Variants in PRKCE observed in about 807,000 individuals in gnomAD.
PRKCE encodes the protein protein kinase C epsilon.
A neutral mutation model predicts 85.4 loss-of-function variants in PRKCE; 16 were observed. The ratio of observed to expected loss-of-function variants is 0.19; its 90% CI spans 0.13 to 0.28. PRKCE has a LOEUF of 0.28. Among genes scored for constraint, PRKCE ranks in the 10% least tolerant of loss-of-function variants. PRKCE has a pLI of 1.00. For synonymous variants in PRKCE, 388 were observed against 371.5 expected, an observed-to-expected ratio of 1.04 and a Z score of -0.51; for missense variants, 573 against 975.2, an observed-to-expected ratio of 0.59 and a Z score of 5.49.
chr2:45,831,675 G>T (rs1690435469), intron 1 of PRKCE, among the ~76,000 whole-genome samples: 1 of 152,170 alleles, frequency 6.6e-6, no homozygotes, highest in Non-Finnish European at 1.5e-5. Flanking sequence ...TCTAAAATAA[G>T]AAATCAGGAA....
intron 2 of PRKCE, among the ~76,000 whole-genome samples, chr2:45,935,482 C>G (rs191887009): frequency 6.6e-6 from 1 of 152,146 alleles, no homozygotes; most frequent in East Asian, 1.9e-4. Context: ...TTTCCAAGGT[C>G]TTCATATAAA....
chr2:45,750,795 T>C (rs974118756), intron 1 of PRKCE, among the ~76,000 whole-genome samples: 3 of 152,196 alleles, frequency 2.0e-5, no homozygotes, highest in Non-Finnish European at 2.9e-5. Flanking sequence ...TGCATTAGTA[T>C]TGCATGCTTG....
intron 6 of PRKCE, 90 bp downstream of exon 6, chr2:45,984,770 G>A (rs1225445001): frequency 1.3e-6 from 2 of 1,506,692 alleles, no homozygotes; most frequent in African/African-American, 2.8e-5. Flanking sequence ...ACCCTTGTCT[G>A]ATTCCAGATT....
chr2:45,983,418 C>T (rs1703051167), intron 5 of PRKCE, among the ~76,000 whole-genome samples: 1 of 152,132 alleles, frequency 6.6e-6, no homozygotes, highest in South Asian at 2.1e-4. Flanking sequence ...GTGATGGTCT[C>T]CTGCCGATAC....
chr2:45,725,858 A>T lies in PRKCE; in HGVS notation c.348+73410A>T, dbSNP rs913455835. ...AAAAAAACAAAAAACCGCCACCAACAACAAAAAAACCCACATTCATGATGC... is the reference window on the plus strand; with the variant it reads ...AAAAAAACAAAAAACCGCCACCAACTACAAAAAAACCCACATTCATGATGC... On this transcript the variant is annotated intron_variant, in intron 1 of 14. Transcript: ENST00000306156. 1.5e-4 allele frequency among the ~76,000 whole-genome samples: 23 copies of T among 151,970 alleles called. 1 individual carries two copies. The highest frequency in any genetic ancestry group is 1.3e-3 in the Admixed American group (20 of 15,254).
At chr2:45,977,583 G>C (rs899435585) in intron 3 of PRKCE, among the ~76,000 whole-genome samples, 13 of 151,630 alleles carry the variant, frequency 8.6e-5, no homozygotes, top group Non-Finnish European at 1.9e-4. Context: ...GCTGCAGTGA[G>C]CCGAGATCGC....
chr2:46,098,573 A>G (rs1453362000), intron 11 of PRKCE, among the ~76,000 whole-genome samples: 1 of 152,194 alleles, frequency 6.6e-6, no homozygotes, highest in Non-Finnish European at 1.5e-5. Context: ...AGGCCTCCAA[A>G]CAAGGGCTAA....
intron 10 of PRKCE, among the ~76,000 whole-genome samples, chr2:46,061,021 C>T (rs1417970732): frequency 6.6e-6 from 1 of 151,910 alleles, no homozygotes; most frequent in African/African-American, 2.4e-5. Context: ...CTCCACCTCC[C>T]AAAGTGCTGG....
intron 6 of PRKCE, among the ~76,000 whole-genome samples, chr2:46,000,374 G>A (rs1704573582): frequency 1.3e-5 from 2 of 151,732 alleles, no homozygotes; most frequent in South Asian, 4.2e-4. Flanking sequence ...GCCTTAGATA[G>A]GACAGGATGG....
At chr2:46,069,165 G>C (rs1667867172) in intron 10 of PRKCE, among the ~76,000 whole-genome samples, 1 of 152,228 alleles carries the variant, frequency 6.6e-6, no homozygotes. Context: ...ATGTCTTCTA[G>C]TGAGCAGACA....
intron 1 of PRKCE, among the ~76,000 whole-genome samples, chr2:45,810,414 A>G (rs1688573925): frequency 6.6e-6 from 1 of 152,236 alleles, no homozygotes; most frequent in African/African-American, 2.4e-5. Flanking sequence ...CAAAGATTTT[A>G]TTTAACTAAT....
chr2:46,157,948 C>G (rs532754396), intron 13 of PRKCE, among the ~76,000 whole-genome samples: 2 of 152,318 alleles, frequency 1.3e-5, no homozygotes, highest in South Asian at 4.1e-4. Context: ...CCATTTGTAT[C>G]ATAGAAGTAT....
chr2:45,750,941 G>A (rs140239606), intron 1 of PRKCE, among the ~76,000 whole-genome samples: 350 of 152,220 alleles, frequency 2.3e-3, no homozygotes, highest in Non-Finnish European at 4.0e-3. Context: ...TCACTATCAC[G>A]CACTCTTCAT....
intron 5 of PRKCE, 123 bp downstream of exon 5, chr2:45,980,504 A>G: frequency 1.1e-6 from 1 of 920,396 alleles, no homozygotes. Context: ...TTGTGTTGAT[A>G]AAAAAACAAA....
intron 9 of PRKCE, among the ~76,000 whole-genome samples, chr2:46,007,964 T>C (rs1007078095): frequency 6.6e-6 from 1 of 152,234 alleles, no homozygotes; most frequent in African/African-American, 2.4e-5. Context: ...AAGTTTTAAA[T>C]GCTCAGTGTT....
At chr2:46,007,271 C>T (rs1322330036) in intron 8 of PRKCE, among the ~76,000 whole-genome samples, 191 bp from the exon 9 acceptor site, 1 of 152,194 alleles carries the variant, frequency 6.6e-6, no homozygotes, top group Non-Finnish European at 1.5e-5. Flanking sequence ...CTAAGCTCTG[C>T]TGCGCATTAG....
Position 46,129,346 on chromosome 2 carries a change from A to G in PRKCE, c.1593-15747A>G, listed in dbSNP as rs989163609. On this transcript the variant is annotated intron_variant, in intron 11 of 14. Transcript: ENST00000306156. ...GGTGCTCAGTACGTAGCTGTTGATGAGTGGAAAAGAAACAAGGGCATGGAC... is the reference window on the plus strand; with the variant it reads ...GGTGCTCAGTACGTAGCTGTTGATGGGTGGAAAAGAAACAAGGGCATGGAC... 3.3e-5 allele frequency among the ~76,000 whole-genome samples: 5 copies of G among 152,320 alleles called. No homozygotes were observed. In the South Asian group the frequency reaches 6.2e-4, roughly 19 times the overall value.
At chr2:46,042,167 C>G (rs1264902157) in intron 10 of PRKCE, among the ~76,000 whole-genome samples, 1 of 152,188 alleles carries the variant, frequency 6.6e-6, no homozygotes, top group Middle Eastern at 3.2e-3. Flanking sequence ...TGTTAGGGAG[C>G]AGTACTTGCT....
At chr2:45,768,659 A>G (rs553558171) in intron 1 of PRKCE, among the ~76,000 whole-genome samples, 1 of 152,286 alleles carries the variant, frequency 6.6e-6, no homozygotes, top group African/African-American at 2.4e-5. Flanking sequence ...GATATTGAGC[A>G]ATTATGCTGT....
Sources: allele counts gnomAD v4.1 joint callset (sites outside exome capture counted in the v4.1 genomes callset), GRCh38; gene constraint gnomAD v4.1.1; transcripts MANE v1.5; gene names NCBI Gene and HGNC (gene_info 2026-07-23, HGNC 2026-07-21).